MIER1: variants seen among roughly 807,000 people sequenced by gnomAD.
MIER1 encodes the protein mesoderm induction early response protein 1.
A neutral mutation model predicts 75.7 loss-of-function variants in MIER1; 40 were observed. The observed-to-expected ratio is 0.53, with a 90% CI of 0.41 to 0.69. MIER1 has a LOEUF of 0.69. Among genes scored for constraint, MIER1 ranks in the 30% least tolerant of loss-of-function variants. The pLI is 0.00. For synonymous variants in MIER1, 213 were observed against 223.4 expected (o/e 0.95, Z 0.42); for missense variants, 574 against 680.2 (o/e 0.84, Z 1.74).
chr1:66,931,646 GCT>G (rs1211421175), intron 2 of MIER1, among the ~76,000 whole-genome samples: 3 of 151,826 alleles, frequency 2.0e-5, no homozygotes, highest in Non-Finnish European at 4.4e-5. Flanking sequence ...CATTTCTTTT[GCT>G]CTTGGTGGTT....
chr1:66,965,113 C>A (rs1446395872), intron 8 of MIER1, among the ~76,000 whole-genome samples: 1 of 152,080 alleles, frequency 6.6e-6, no homozygotes, highest in Non-Finnish European at 1.5e-5. Context: ...TTGAAGCTAG[C>A]AGTATGGAGT....
intron 2 of MIER1, among the ~76,000 whole-genome samples, chr1:66,930,053 G>A (rs1400011653): frequency 4.6e-5 from 7 of 152,160 alleles, no homozygotes; most frequent in African/African-American, 1.7e-4. Context: ...CCAGCGAAGC[G>A]CCCCGCGCGG....
rs759573367 is a variant in MIER1 at position 66,970,924 on chromosome 1, A to G, written c.889A>G (p.Ile297Val). 7 of 1,584,816 alleles carry G rather than the reference A, an allele frequency of 4.4e-6. No homozygotes were observed. The highest frequency in any genetic ancestry group is 1.7e-4 in the Middle Eastern group (1 of 5,996). ...AGGTGATGAGAAGGGTGTAGAAGCAATTCCTGAAGGATCTCACATAAAAGA... is the reference window on the plus strand; with the variant it reads ...AGGTGATGAGAAGGGTGTAGAAGCAGTTCCTGAAGGATCTCACATAAAAGA... ...RTGDEKGVEA[I>V]PEGSHIKDNE... is the part of the protein sequence containing the mutation. Residue 297 changes from isoleucine (I) to valine (V), a missense_variant, in exon 9 of 14, where the codon ATT (isoleucine) becomes GTT (valine). Ile to Val is a conservative substitution (Grantham distance 29, BLOSUM62 3). Around this residue, in one of 3 missense-constraint regions of MIER1, gnomAD observed 101 missense variants for 173.1 expected, o/e 0.58. Coordinates refer to ENST00000401041, the MANE Select transcript of MIER1 (RefSeq NM_001077700.3).
chr1:66,933,002 A>G (rs1653826652), intron 2 of MIER1, among the ~76,000 whole-genome samples: 1 of 152,130 alleles, frequency 6.6e-6, no homozygotes, highest in South Asian at 2.1e-4. Context: ...TAGGAAGTAT[A>G]TATTGGTTCT....
chr1:66,954,802 G>A (rs376897474), intron 4 of MIER1, among the ~76,000 whole-genome samples: 4 of 151,674 alleles, frequency 2.6e-5, no homozygotes, highest in East Asian at 1.9e-4. Flanking sequence ...TGCTTCCTGC[G>A]TTCAAGCAAT....
At chr1:66,969,059 T>C (rs973281105) in intron 8 of MIER1, among the ~76,000 whole-genome samples, 3 of 152,322 alleles carry the variant, frequency 2.0e-5, no homozygotes, top group African/African-American at 7.2e-5. Flanking sequence ...ATGGTAGTTT[T>C]ATTGTATTTA....
intron 2 of MIER1, among the ~76,000 whole-genome samples, chr1:66,935,503 A>G (rs1000552552): frequency 3.9e-5 from 6 of 152,218 alleles, no homozygotes; most frequent in Non-Finnish European, 8.8e-5. Context: ...AACAAGTACT[A>G]GGTTTTCTTA....
At chr1:66,925,481 C>T (rs1651403579) in intron 1 of MIER1, 23 of 985,480 alleles carry the variant, frequency 2.3e-5, no homozygotes, top group Non-Finnish European at 2.8e-5. Context: ...TCCTGTATTT[C>T]CCTCACTTGT....
At chr1:66,951,885 A>G (rs1659050630) in intron 4 of MIER1, among the ~76,000 whole-genome samples, 1 of 152,204 alleles carries the variant, frequency 6.6e-6, no homozygotes, top group African/African-American at 2.4e-5. Flanking sequence ...GTATATATGC[A>G]TATGTACAGA....
chr1:66,980,233 TATG>T (rs1366239227), intron 12 of MIER1, among the ~76,000 whole-genome samples: 6 of 152,214 alleles, frequency 3.9e-5, no homozygotes, highest in African/African-American at 4.8e-5. Flanking sequence ...TTTCTATAAT[TATG>T]ATGAGTAGCA....
At chr1:66,949,827 T>C (rs1658505557) in intron 4 of MIER1, among the ~76,000 whole-genome samples, 1 of 152,226 alleles carries the variant, frequency 6.6e-6, no homozygotes, top group Non-Finnish European at 1.5e-5. Context: ...TGAAATGAAT[T>C]TTTGATGTAT....
chr1:66,970,952 A>T lies in MIER1; in HGVS notation c.917A>T (p.Asn306Ile). ...AIPEGSHIKD[N>I]EQALYELVKC... ...CCTGAAGGATCTCACATAAAAGACA[A>T]TGAACAGGTCTGTGAAAGAAACAAC... Residue 306 changes from asparagine (N) to isoleucine (I), a missense_variant, in exon 9 of 14, where the codon AAT (asparagine) becomes ATT (isoleucine). Asn to Ile is a moderately radical substitution (Grantham distance 149). Around this residue, in one of 3 missense-constraint regions of MIER1, gnomAD observed 101 missense variants for 173.1 expected, o/e 0.58. Transcript: ENST00000401041. 1 of 1,580,880 alleles carries T rather than the reference A, an allele frequency of 6.3e-7. No homozygotes were observed.
At chr1:66,960,428 T>G (rs1340325244) in intron 7 of MIER1, among the ~76,000 whole-genome samples, 4 of 152,210 alleles carry the variant, frequency 2.6e-5, no homozygotes, top group Admixed American at 6.5e-5. Context: ...ATTATAAAAT[T>G]ATATAGCATA....
Position 66,986,772 on chromosome 1 carries a change from A to G in MIER1, c.*1872A>G. 3.9e-6 allele frequency: 1 copy of G among 255,960 alleles called. No homozygotes were observed. Among genetic ancestry groups the G allele is most frequent in the Non-Finnish European group, 7.4e-6 (1 of 136,026 alleles). 15.9% of individuals were successfully genotyped at this position (255,960 alleles called of 1,614,324 possible). A position where few individuals can be genotyped will look rare whatever the true frequency, so the allele number is the denominator to read the frequency against. The stretch of plus-strand genomic sequence containing the variant: ...GTTTTTTGTTGTTTTTGTTTTACTT[A>G]AAACTTTTAATTTATCCAGAATGGC... On this transcript the variant is annotated 3_prime_UTR_variant, in exon 14 of 14. Coordinates refer to ENST00000401041, the MANE Select transcript of MIER1 (RefSeq NM_001077700.3).
At chr1:66,962,292 A>G (rs1183318933) in intron 7 of MIER1, among the ~76,000 whole-genome samples, 3 of 152,278 alleles carry the variant, frequency 2.0e-5, no homozygotes, top group South Asian at 2.1e-4. Context: ...TATTGTTTTA[A>G]TGAAAGTCAA....
chr1:66,946,816 T>C (rs1159081448), intron 4 of MIER1: 4 of 985,000 alleles, frequency 4.1e-6, no homozygotes, highest in South Asian at 4.7e-5. Context: ...TACCTTACTT[T>C]TTCTCAGCAG....
chr1:66,940,654 T>C (rs1655999014), intron 3 of MIER1, among the ~76,000 whole-genome samples: 1 of 152,222 alleles, frequency 6.6e-6, no homozygotes, highest in Admixed American at 6.5e-5. Flanking sequence ...TGCAAACCTG[T>C]GATCTTTGAA....
chr1:66,958,312 CT>C, intron 5 of MIER1, 92 bp downstream of exon 5: 2 of 824,730 alleles, frequency 2.4e-6, no homozygotes, highest in Non-Finnish European at 1.6e-6. Flanking sequence ...TCTTTATAAT[CT>C]TTTCCTGATT....
chr1:66,965,790 A>T (rs1011584193), intron 8 of MIER1, among the ~76,000 whole-genome samples: 1 of 151,754 alleles, frequency 6.6e-6, no homozygotes, highest in Non-Finnish European at 1.5e-5. Flanking sequence ...AACCATCCCT[A>T]CCTCTCTCTT....
Sources: gnomAD v4.1 joint callset for allele counts (sites outside exome capture counted in the v4.1 genomes callset) on GRCh38, gnomAD v4.1.1 for gene constraint, gnomAD v4.1.1 regional missense constraint, MANE v1.5 for transcripts, NCBI Gene and HGNC (gene_info 2026-07-23, HGNC 2026-07-21) for gene names.